The following AFG1L variants were observed in gnomAD, a reference collection of about 807,000 sequenced individuals.
AFG1L encodes AFG1-like ATPase.
AFG1L carries 53 observed loss-of-function variants against 62.2 expected under a neutral mutation model. The ratio of observed to expected loss-of-function variants is 0.85; its 90% CI spans 0.68 to 1.07. The LOEUF is 1.07. Among genes scored for constraint, AFG1L ranks in the 50% least tolerant of loss-of-function variants. The pLI is 0.00. For synonymous variants in AFG1L, 228 were observed against 210.3 expected (o/e 1.08, Z -0.73); for missense variants, 555 against 590.5 (o/e 0.94, Z 0.62).
At chr6:108,412,903 T>C (rs538088081) in intron 7 of AFG1L, among the ~76,000 whole-genome samples, 1 of 152,310 alleles carries the variant, frequency 6.6e-6, no homozygotes, top group Admixed American at 6.5e-5. Flanking sequence ...AGGATCAATT[T>C]CACACACAAC....
chr6:108,296,645 A>C (rs1437630272), intron 1 of AFG1L, among the ~76,000 whole-genome samples: 1 of 152,154 alleles, frequency 6.6e-6, no homozygotes, highest in African/African-American at 2.4e-5. Context: ...TTTCTTTTTA[A>C]ATTTAGTAGC....
At position 108,485,625 on chromosome 6, in the gene AFG1L, AATATATATATATATAT is replaced by A. The variant is rs35609301; in HGVS notation, c.1062+8350_1062+8365del. 4.9e-3 allele frequency among the ~76,000 whole-genome samples: 60 copies of A among 12,160 alleles called. 1 individual carries two copies. Among genetic ancestry groups the A allele is most frequent in the African/African-American group, 8.2e-3 (28 of 3,404 alleles). The allele number at this position is 12,160 out of a possible 152,430, so 8.0% of individuals were successfully genotyped here. On this transcript the variant is annotated intron_variant, in intron 10 of 12. Transcript: ENST00000368977. The stretch of plus-strand genomic sequence containing the variant: ...GCAAAGATTAAGAAATACGAATTTA[AATATATATATATATAT>A]ATATATATATATATATTTTTTTTTT...
At chr6:108,413,708 C>G (rs1352556119) in intron 7 of AFG1L, among the ~76,000 whole-genome samples, 1 of 152,096 alleles carries the variant, frequency 6.6e-6, no homozygotes, top group African/African-American at 2.4e-5. Context: ...TAAAGATGTT[C>G]TTTGAAACCA....
chr6:108,359,582 A>G (rs529067219), intron 5 of AFG1L: 1 of 152,360 alleles, frequency 6.6e-6, no homozygotes, highest in East Asian at 1.9e-4. Context: ...ACAGGGCCCT[A>G]TCTGTCCCAT....
chr6:108,359,066 T>C (rs1249409464), intron 5 of AFG1L: 1 of 152,216 alleles, frequency 6.6e-6, no homozygotes, highest in African/African-American at 2.4e-5. Context: ...AATATATCAA[T>C]AATGACTCCA....
chr6:108,316,170 AG>A (rs1379150285), intron 1 of AFG1L, among the ~76,000 whole-genome samples: 3 of 151,734 alleles, frequency 2.0e-5, no homozygotes. Flanking sequence ...TCACGAGGTC[AG>A]GAGATCGAGA....
intron 8 of AFG1L, among the ~76,000 whole-genome samples, chr6:108,458,177 G>A (rs1426349320): frequency 1.3e-5 from 2 of 151,954 alleles, no homozygotes; most frequent in East Asian, 3.9e-4. Context: ...GGATGTGTGG[G>A]TTTATAGTTT....
Position 108,356,828 on chromosome 6 carries a change from A to G in AFG1L, c.648+8A>G. On this transcript the variant is annotated splice_region_variant and intron_variant, in intron 5 of 12. Coordinates refer to ENST00000368977, the MANE Select transcript of AFG1L (RefSeq NM_145315.5). The stretch of plus-strand genomic sequence containing the variant: ...TGTTTTGATGAATTTCAGGTAAAGT[A>G]GAGATTTTTCATAGATATAGAATGG... The G allele has an allele frequency of 6.2e-7, 1 of 1,605,330 alleles. No individual in the cohort carries two copies. Among genetic ancestry groups the G allele is most frequent in the Non-Finnish European group, 8.5e-7 (1 of 1,176,950 alleles).
chr6:108,313,149 G>A (rs1045837470), intron 1 of AFG1L, among the ~76,000 whole-genome samples: 1 of 152,148 alleles, frequency 6.6e-6, no homozygotes, highest in Non-Finnish European at 1.5e-5. Context: ...TCATGATTTA[G>A]AGCTGAAACG....
At chr6:108,486,711 ATTTCTT>A (rs965533606) in intron 10 of AFG1L, among the ~76,000 whole-genome samples, 9 of 151,790 alleles carry the variant, frequency 5.9e-5, no homozygotes, top group Non-Finnish European at 1.0e-4. Context: ...GTCAGCAACT[ATTTCTT>A]TTTCTTTTTC....
intron 10 of AFG1L, among the ~76,000 whole-genome samples, chr6:108,500,628 G>A (rs149222612): frequency 9.5e-4 from 145 of 152,248 alleles, no homozygotes; most frequent in Middle Eastern, 3.4e-3. Flanking sequence ...TTTGATAAAC[G>A]TGAGTGCAGG....
At chr6:108,407,826 C>T (rs1781925858) in intron 7 of AFG1L, among the ~76,000 whole-genome samples, 1 of 151,906 alleles carries the variant, frequency 6.6e-6, no homozygotes, top group Admixed American at 6.6e-5. Flanking sequence ...ATATAATTTC[C>T]AGATTGTACA....
chr6:108,331,873 G>A (rs1020430891), intron 2 of AFG1L, among the ~76,000 whole-genome samples: 4 of 152,092 alleles, frequency 2.6e-5, no homozygotes, highest in Admixed American at 6.6e-5. Context: ...AGGAGACATC[G>A]TAGCCCAAGA....
chr6:108,459,456 T>G (rs1477484470), intron 8 of AFG1L, among the ~76,000 whole-genome samples: 2 of 152,218 alleles, frequency 1.3e-5, no homozygotes, highest in Non-Finnish European at 2.9e-5. Flanking sequence ...AACCATTGTT[T>G]CATATATTTT....
At chr6:108,402,355 T>G (rs185360134) in intron 7 of AFG1L, among the ~76,000 whole-genome samples, 454 of 21,822 alleles carry the variant, frequency 0.021, 1 homozygote, top group African/African-American at 0.064. Context: ...CCCAGCTACT[T>G]GGGGAGGCTG....
chr6:108,450,803 C>T (rs1342451366), intron 8 of AFG1L, among the ~76,000 whole-genome samples: 1 of 152,046 alleles, frequency 6.6e-6, no homozygotes, highest in African/African-American at 2.4e-5. Flanking sequence ...GATCCAGTTT[C>T]AGCTTTCTAC....
intron 8 of AFG1L, among the ~76,000 whole-genome samples, chr6:108,462,745 C>T (rs1323708193): frequency 6.6e-6 from 1 of 152,132 alleles, no homozygotes; most frequent in East Asian, 1.9e-4. Flanking sequence ...TGTATGGCCA[C>T]AGTCATCTAG....
chr6:108,361,121 A>G (rs1453917229), intron 5 of AFG1L, among the ~76,000 whole-genome samples: 1 of 152,238 alleles, frequency 6.6e-6, no homozygotes. Context: ...TGTCTGACCC[A>G]TGACCAGGGG....
chr6:108,333,615 C>T (rs757831464), intron 2 of AFG1L, among the ~76,000 whole-genome samples: 1 of 151,944 alleles, frequency 6.6e-6, no homozygotes, highest in Non-Finnish European at 1.5e-5. Flanking sequence ...ATATAAATAA[C>T]ATCTACCATA....
Sources: gnomAD v4.1 joint callset for allele counts (sites outside exome capture counted in the v4.1 genomes callset) on GRCh38, gnomAD v4.1.1 for gene constraint, MANE v1.5 for transcripts, NCBI Gene and HGNC (gene_info 2026-07-23, HGNC 2026-07-21) for gene names.